The following SH3KBP1 variants were observed in gnomAD, a reference collection of about 807,000 sequenced individuals.
The protein encoded by SH3KBP1 is SH3 domain-containing kinase-binding protein 1.
Under a neutral mutation model 50.1 loss-of-function variants are expected in SH3KBP1, and 8 were observed. The ratio of observed to expected loss-of-function variants is 0.16; its 90% confidence interval spans 0.09 to 0.29. The LOEUF is 0.29. Among genes scored for constraint, SH3KBP1 ranks in the 10% least tolerant of loss-of-function variants. The pLI is 1.00. For synonymous variants in SH3KBP1, 227 were observed against 218.6 expected (o/e 1.04, Z -0.34); for missense variants, 377 against 535.2 (o/e 0.70, Z 2.92).
intron 2 of SH3KBP1, among the ~76,000 whole-genome samples, chrX:19,798,527 G>A (rs2066790534): frequency 9.0e-6 from 1 of 111,399 alleles, no homozygotes; most frequent in Admixed American, 9.5e-5. Context: ...TCCTAACTTG[G>A]GTCCTCAGTT....
In SH3KBP1 at chrX:19,618,399, A is replaced by C. The variant is rs1040902092; in HGVS notation, c.898-10354T>G. 8.3e-4 allele frequency among the ~76,000 whole-genome samples: 89 copies of C among 107,208 alleles called. 1 individual carries two copies. The highest frequency in any genetic ancestry group is 2.4e-3 in the African/African-American group (70 of 29,318). 93.1% of individuals were successfully genotyped at this position (107,208 alleles called of 115,157 possible). A position where few individuals can be genotyped will look rare whatever the true frequency, so the allele number is the denominator to read the frequency against. On this transcript the variant is annotated intron_variant, in intron 8 of 17. Coordinates refer to ENST00000397821, the MANE Select transcript of SH3KBP1 (RefSeq NM_031892.3). ...AGACTCTGTCTCAAAAAAAAAAAAA[A>C]AAAAAAAAAAACAGTTTCTATCTGG...
At chrX:19,738,734 G>A (rs1272974032) in intron 3 of SH3KBP1, among the ~76,000 whole-genome samples, 2 of 105,983 alleles carry the variant, frequency 1.9e-5, no homozygotes, top group Non-Finnish European at 3.9e-5. Flanking sequence ...GACTTGGCCA[G>A]GCACAGTGGC....
intron 5 of SH3KBP1, among the ~76,000 whole-genome samples, chrX:19,688,756 A>G (rs1250239102): frequency 8.9e-6 from 1 of 111,900 alleles, no homozygotes; most frequent in East Asian, 2.8e-4. Context: ...TGAGAAATAA[A>G]TTTTATTATG....
At chrX:19,553,839 CAT>C (rs1362485381) in intron 13 of SH3KBP1, among the ~76,000 whole-genome samples, 5 of 83,601 alleles carry the variant, frequency 6.0e-5, no homozygotes, top group East Asian at 3.5e-4. Flanking sequence ...CCTCTTAATG[CAT>C]ATATATATAT....
intron 1 of SH3KBP1, among the ~76,000 whole-genome samples, chrX:19,847,692 T>C (rs1316889329): frequency 1.8e-5 from 2 of 112,230 alleles, no homozygotes; most frequent in Admixed American, 9.5e-5. Flanking sequence ...TGATGTCACA[T>C]AGTAATTGGG....
intron 1 of SH3KBP1, among the ~76,000 whole-genome samples, chrX:19,848,041 G>C (rs1350391418): frequency 8.9e-6 from 1 of 112,174 alleles, no homozygotes; most frequent in Non-Finnish European, 1.9e-5. Flanking sequence ...ATATGAGTTA[G>C]TGAAAATAAG....
Position 19,734,146 on chromosome X carries a change from G to A in SH3KBP1, c.286+12172C>T, listed in dbSNP as rs114562149. Reference sequence around the variant, plus strand: ...CCTTTCTAGCAGAGGCTCTTTCTACGAAGCACAGAATTTAGAATATAAGAG... The same window carrying A: ...CCTTTCTAGCAGAGGCTCTTTCTACAAAGCACAGAATTTAGAATATAAGAG... On this transcript the variant is annotated intron_variant, in intron 3 of 17. Transcript: ENST00000397821. Among the ~76,000 whole-genome samples the A allele has an allele frequency of 4.0e-3, 443 of 112,014 alleles. 2 individuals are homozygous for A. Among genetic ancestry groups the A allele is most frequent in the African/African-American group, 0.014 (426 of 30,839 alleles).
intron 1 of SH3KBP1, among the ~76,000 whole-genome samples, chrX:19,837,821 A>G (rs952207232): frequency 1.8e-5 from 2 of 111,870 alleles, no homozygotes; most frequent in African/African-American, 6.5e-5. Flanking sequence ...AGCAAAAATT[A>G]GATAAATCCC....
rs1194776375 is a variant in SH3KBP1 at position 19,818,465 on chromosome X, C to T, written c.162+17660G>A. Among the ~76,000 whole-genome samples the T allele has an allele frequency of 2.7e-5, 3 of 111,994 alleles. No individual in the cohort carries two copies. The Admixed American group carries it at 2.8e-4, about 11-fold the overall frequency. ...ACTTCCAGTATTACGTTGAATGAGA[C>T]TGGTAAGAGCAGACATTCTTACCTT... On this transcript the variant is annotated intron_variant, in intron 2 of 17. Transcript: ENST00000397821.
At chrX:19,541,492 A>C (rs921145595) in intron 16 of SH3KBP1, among the ~76,000 whole-genome samples, 2 of 111,878 alleles carry the variant, frequency 1.8e-5, no homozygotes, top group Non-Finnish European at 3.8e-5. Flanking sequence ...CTGGTACCTC[A>C]ATGCAGGCCA....
At chrX:19,564,513 G>C (rs2065779826) in intron 13 of SH3KBP1, among the ~76,000 whole-genome samples, 1 of 109,784 alleles carries the variant, frequency 9.1e-6, no homozygotes, top group African/African-American at 3.3e-5. Flanking sequence ...CATTTCACTT[G>C]CTGCAAGCCT....
At chrX:19,886,390 G>A (rs1284576649) in intron 1 of SH3KBP1, among the ~76,000 whole-genome samples, 1 of 112,106 alleles carries the variant, frequency 8.9e-6, no homozygotes, top group Non-Finnish European at 1.9e-5. Context: ...AAAAACAGAA[G>A]CTGGCTGTCA....
intron 14 of SH3KBP1, among the ~76,000 whole-genome samples, chrX:19,548,718 A>C (rs752668199): frequency 8.7e-4 from 97 of 111,136 alleles, no homozygotes; most frequent in African/African-American, 2.9e-3. Context: ...ACATGAAAAT[A>C]GGAAGTGTCC....
rs1569404883 is a variant in SH3KBP1, at chrX:19,668,959, TATATATATATATATA to T, written c.726+14849_726+14863del. ...TAATATATATATATATATATATATA[TATATATATATATATA>T]TTTTTTGAGACAGGCTGTCACTCTG... On this transcript the variant is annotated intron_variant, in intron 6 of 17. Transcript: ENST00000397821. Among the ~76,000 whole-genome samples the T allele has an allele frequency of 6.7e-4, 53 of 78,709 alleles. No homozygotes were observed. The Middle Eastern group carries it at 0.02, about 30-fold the overall frequency. The allele number at this position is 78,709 out of a possible 115,157, so 68.3% of individuals were successfully genotyped here.
intron 2 of SH3KBP1, among the ~76,000 whole-genome samples, chrX:19,786,371 A>G (rs1045120732): frequency 4.5e-5 from 5 of 111,901 alleles, no homozygotes; most frequent in African/African-American, 1.6e-4. Flanking sequence ...GACGATGGGT[A>G]AAAAGGGGTT....
Position 19,706,898 on chromosome X carries a change from T to C in SH3KBP1, c.373A>G (p.Ile125Val). The change falls in exon 4 of 18, where the codon ATA (isoleucine) becomes GTA (valine). Residue 125 changes from isoleucine to valine, a missense_variant. Around this residue, in one of 3 missense-constraint regions of SH3KBP1, gnomAD observed 257 missense variants for 374.2 expected, o/e 0.69. Coordinates refer to ENST00000397821, the MANE Select transcript of SH3KBP1 (RefSeq NM_031892.3). ...DELELKVGDI[I>V]EVVGEVEEGW... ...TCGCTTACCTCTCCTACCACCTCTA[T>C]GATGTCGCCAACTTTCAGCTCAAGT... The C allele has an allele frequency of 7.4e-6, 9 of 1,210,593 alleles. No individual in the cohort carries two copies. The highest frequency in any genetic ancestry group is 1.8e-5 in the South Asian group (1 of 56,965).
chrX:19,836,065 T>C (rs1475916092), intron 2 of SH3KBP1, 60 bp downstream of exon 2: 35 of 1,111,656 alleles, frequency 3.1e-5, no homozygotes, highest in Middle Eastern at 2.7e-4. Flanking sequence ...AGCGCCCCCA[T>C]AGACTTTGGT....
chrX:19,696,692 T>G (rs1001312479), intron 4 of SH3KBP1, among the ~76,000 whole-genome samples: 1 of 111,327 alleles, frequency 9.0e-6, no homozygotes, highest in African/African-American at 3.3e-5. Flanking sequence ...GAGCCACTAG[T>G]AGTACAGCAG....
chrX:19,570,906 G>A (rs1456565993), intron 12 of SH3KBP1, among the ~76,000 whole-genome samples: 4 of 112,038 alleles, frequency 3.6e-5, no homozygotes, highest in East Asian at 2.8e-4. Context: ...TCAGTGAGCC[G>A]TGATCGTGCC....
Sources: allele counts gnomAD v4.1 joint callset (sites outside exome capture counted in the v4.1 genomes callset), GRCh38; gene constraint gnomAD v4.1.1; regional missense constraint gnomAD v4.1.1; transcripts MANE v1.5; gene names NCBI Gene and HGNC (gene_info 2026-07-23, HGNC 2026-07-21).